The following VPS13A variants were observed in gnomAD, a reference collection of about 807,000 sequenced individuals.
The protein encoded by VPS13A is vacuolar protein sorting 13 homolog A.
A neutral mutation model predicts 390.9 loss-of-function variants in VPS13A; 264 were observed. The observed-to-expected ratio is 0.68, with a 90% confidence interval of 0.61 to 0.75. The LOEUF is 0.75. Ranked by LOEUF, VPS13A falls within the 30% of genes least tolerant of loss-of-function variation. The probability of loss-of-function intolerance (pLI) is 0.00; values close to 1 mark genes in which losing one functional copy is unlikely to be tolerated. For missense variants in VPS13A, 3,409 were observed against 3,733.9 expected (o/e 0.91, Z 2.27); for synonymous variants, 1,231 against 1,227.1 (o/e 1.00, Z -0.07).
At chr9:77,298,798 C>G (rs933681167) in intron 33 of VPS13A, among the ~76,000 whole-genome samples, 3 of 152,040 alleles carry the variant, frequency 2.0e-5, no homozygotes, top group Non-Finnish European at 4.4e-5. Flanking sequence ...GGTGGTTCCC[C>G]CATACTGTTC....
At chr9:77,282,832 C>G (rs752325768) in intron 29 of VPS13A, among the ~76,000 whole-genome samples, 37 of 151,876 alleles carry the variant, frequency 2.4e-4, no homozygotes, top group Non-Finnish European at 5.1e-4. Flanking sequence ...TCTGTAGACC[C>G]AGTTTACTTG....
intron 55 of VPS13A, 148 bp from the exon 56 acceptor site, chr9:77,357,544 G>A (rs1420833888): frequency 1.3e-6 from 1 of 760,056 alleles, no homozygotes; most frequent in African/African-American, 1.8e-5. Context: ...ATGAATATGT[G>A]AATTTTATGG....
chr9:77,214,955 G>C (rs1042820720), intron 10 of VPS13A, among the ~76,000 whole-genome samples: 1 of 152,072 alleles, frequency 6.6e-6, no homozygotes, highest in Admixed American at 6.6e-5. Context: ...TAGTAGAGAC[G>C]GGGTTTCACC....
At chr9:77,287,224 T>TTCTCTC (rs147295666) in intron 31 of VPS13A, among the ~76,000 whole-genome samples, 7,825 of 145,026 alleles carry the variant, frequency 0.054, 293 homozygotes, top group South Asian at 0.12. Flanking sequence ...ATACATAAAA[T>TTCTCTC]TCTCTCTCTC....
chr9:77,367,953 G>T, intron 61 of VPS13A, 102 bp from the exon 62 acceptor site: 1 of 1,103,328 alleles, frequency 9.1e-7, no homozygotes, highest in South Asian at 1.4e-5. Flanking sequence ...TAGAAGGAAA[G>T]GTTTGGAGAA....
intron 28 of VPS13A, 73 bp from the exon 29 acceptor site, chr9:77,282,048 A>G: frequency 6.9e-7 from 1 of 1,457,780 alleles, no homozygotes; most frequent in Non-Finnish European, 9.6e-7. Context: ...TATGCCACAA[A>G]GCATAGTGCC....
At chr9:77,282,326 G>A (rs745526700) in intron 29 of VPS13A, 52 bp downstream of exon 29, 10 of 1,516,168 alleles carry the variant, frequency 6.6e-6, no homozygotes, top group East Asian at 2.3e-5. Flanking sequence ...AACCATGTAG[G>A]TCAATAAATC....
chr9:77,195,669 G>A (rs1163175113), intron 1 of VPS13A, among the ~76,000 whole-genome samples: 1 of 152,092 alleles, frequency 6.6e-6, no homozygotes, highest in Non-Finnish European at 1.5e-5. Context: ...CCCAGGAGGC[G>A]GAGGTTGCAG....
chr9:77,382,731 G>A, intron 68 of VPS13A: 1 of 986,976 alleles, frequency 1.0e-6, no homozygotes, highest in Non-Finnish European at 1.2e-6. Context: ...CCCTCTTCCT[G>A]CTTTATTCTA....
chr9:77,240,175 T>C (rs1162841182), intron 19 of VPS13A, among the ~76,000 whole-genome samples: 7 of 150,992 alleles, frequency 4.6e-5, no homozygotes, highest in Admixed American at 4.0e-4. Flanking sequence ...CTCTGCCTCC[T>C]GGGTTCAAGC....
intron 25 of VPS13A, among the ~76,000 whole-genome samples, 159 bp from the exon 26 acceptor site, chr9:77,275,906 G>A (rs994151135): frequency 4.0e-5 from 6 of 150,926 alleles, no homozygotes; most frequent in Non-Finnish European, 7.4e-5. Context: ...TTTATGTTGT[G>A]TGTGTATTGT....
chr9:77,321,232 C>T lies in VPS13A; in HGVS notation c.5479C>T (p.Pro1827Ser). ...SDPEEENYKV[P>S]EYKTVISFHS... ...TCCTGAAGAAGAAAACTACAAAGTGCCAGAATATAAAACTGTCATCAGTTT... is the reference window on the plus strand; with the variant it reads ...TCCTGAAGAAGAAAACTACAAAGTGTCAGAATATAAAACTGTCATCAGTTT... The change falls in exon 43 of 72, where the codon CCA becomes TCA. Residue 1827 changes from proline to serine, a missense_variant. Around this residue, in one of 5 missense-constraint regions of VPS13A, gnomAD observed 2,717 missense variants for 2,917.4 expected, o/e 0.93. Coordinates refer to ENST00000360280, the MANE Select transcript of VPS13A (RefSeq NM_033305.3). The T allele has an allele frequency of 6.2e-7, 1 of 1,612,242 alleles. No homozygotes were observed. The highest frequency in any genetic ancestry group is 1.1e-5 in the South Asian group (1 of 90,932).
rs760025315 is a variant in VPS13A at position 77,225,961 on chromosome 9, T to C, written c.1197T>C (p.Thr399=). ...LEKTLDVFNI[T]IARQTAEVEV... is the part of the protein sequence containing the mutation. ...AAACCTTGGATGTCTTTAATATAAC[T>C]ATAGCTAGACAGACGGCAGAAGTTG... Residue 399 remains threonine (T), a synonymous_variant, in exon 14 of 72, where the codon ACT becomes ACC. Transcript: ENST00000360280. 45 of 1,612,378 alleles carry C rather than the reference T, an allele frequency of 2.8e-5. 1 individual carries two copies. In the East Asian group the frequency reaches 6.3e-4, roughly 22 times the overall value.
intron 23 of VPS13A, among the ~76,000 whole-genome samples, chr9:77,260,500 C>T (rs1220371579): frequency 2.0e-5 from 3 of 151,622 alleles, no homozygotes; most frequent in Non-Finnish European, 4.4e-5. Context: ...GGACTACAGG[C>T]GCCCGCCACC....
At chr9:77,409,083 T>A (rs2131662560) in intron 71 of VPS13A, among the ~76,000 whole-genome samples, 1 of 152,318 alleles carries the variant, frequency 6.6e-6, no homozygotes, top group East Asian at 1.9e-4. Flanking sequence ...GGCCAGGTAC[T>A]CCTCTGAAAC....
At chr9:77,406,106 T>G in intron 70 of VPS13A, 119 bp downstream of exon 70, 1 of 1,368,116 alleles carries the variant, frequency 7.3e-7, no homozygotes, top group Non-Finnish European at 1.0e-6. Flanking sequence ...CCTGGTGTGG[T>G]TTTCCCTTAT....
At chr9:77,328,199 T>G (rs911068740) in intron 45 of VPS13A, among the ~76,000 whole-genome samples, 3 of 152,164 alleles carry the variant, frequency 2.0e-5, no homozygotes, top group African/African-American at 7.2e-5. Context: ...CCAGTGACAA[T>G]GTGCATGGCC....
At chr9:77,298,051 G>C (rs1048952771) in intron 33 of VPS13A, among the ~76,000 whole-genome samples, 2 of 152,118 alleles carry the variant, frequency 1.3e-5, no homozygotes, top group African/African-American at 4.8e-5. Flanking sequence ...TAGGTTACAG[G>C]CTTGGAAATC....
intron 54 of VPS13A, 57 bp downstream of exon 54, chr9:77,353,698 A>G (rs1174984304): frequency 6.9e-7 from 1 of 1,453,404 alleles, no homozygotes; most frequent in African/African-American, 1.4e-5. Flanking sequence ...TTGTTAAGAA[A>G]TTGTTATTGT....
Sources: gnomAD v4.1 joint callset for allele counts (sites outside exome capture counted in the v4.1 genomes callset) on GRCh38, gnomAD v4.1.1 for gene constraint, gnomAD v4.1.1 regional missense constraint, MANE v1.5 for transcripts, NCBI Gene and HGNC (gene_info 2026-07-23, HGNC 2026-07-21) for gene names.